Variants in ERCC5 observed in about 807,000 individuals in gnomAD.
ERCC5 encodes ERCC excision repair 5, endonuclease, also known as DNA excision repair protein ERCC-5.
A neutral mutation model predicts 105.6 loss-of-function variants in ERCC5; 68 were observed. That is an observed-to-expected ratio of 0.64 (90% confidence interval 0.53 to 0.79). The LOEUF (loss-of-function observed/expected upper bound fraction) is 0.79, where lower values mean the gene tolerates loss of function less well. ERCC5 is among the 30% of genes least tolerant of loss of function. ERCC5 has a pLI of 0.00. For missense variants in ERCC5, 1,373 were observed against 1,426.7 expected (o/e 0.96, Z 0.61); for synonymous variants, 546 against 526.2 (o/e 1.04, Z -0.51).
Position 102,866,310 on chromosome 13 carries a change from C to T in ERCC5, c.2248C>T (p.Leu750=), listed in dbSNP as rs747408676. The T allele has an allele frequency of 3.1e-6, 5 of 1,614,194 alleles. No homozygotes were observed. Among genetic ancestry groups the T allele is most frequent in the Non-Finnish European group, 4.2e-6 (5 of 1,180,034 alleles). ...CAACCTCTTAGCACAGCAGAATTCA[C>T]TGAAAGCTCAAAAACAGCAGCAAGA... ...ESNLLAQQNS[L]KAQKQQQERI... is the part of the protein sequence containing the mutation. The change falls in exon 10 of 15, where the codon CTG becomes TTG. Residue 750 remains leucine, a synonymous_variant. Coordinates refer to ENST00000652225, the MANE Select transcript of ERCC5 (RefSeq NM_000123.4).
At chr13:102,864,126 C>CACACACA (rs1555326404) in intron 8 of ERCC5, among the ~76,000 whole-genome samples, 1 of 140,918 alleles carries the variant, frequency 7.1e-6, no homozygotes, top group African/African-American at 2.7e-5. Flanking sequence ...AGAGAATCAA[C>CACACACA]CACACACACA....
At chr13:102,861,849 G>A in intron 7 of ERCC5, 135 bp downstream of exon 7, 2 of 1,341,778 alleles carry the variant, frequency 1.5e-6, no homozygotes, top group African/African-American at 1.5e-5. Flanking sequence ...TGCTATTAAT[G>A]GATTAACTAC....
intron 3 of ERCC5, 128 bp downstream of exon 3, chr13:102,854,000 A>G: frequency 3.7e-6 from 3 of 818,844 alleles, no homozygotes; most frequent in Non-Finnish European, 3.6e-6. Flanking sequence ...GAAATGAGAC[A>G]AGTAGGCTGC....
At chr13:102,857,198 C>T (rs773226658) in intron 5 of ERCC5, among the ~76,000 whole-genome samples, 1 of 152,090 alleles carries the variant, frequency 6.6e-6, no homozygotes, top group Non-Finnish European at 1.5e-5. Flanking sequence ...GCTAAAACCT[C>T]GAGATCCTTC....
intron 5 of ERCC5, among the ~76,000 whole-genome samples, chr13:102,857,377 C>T (rs1244510177): frequency 3.3e-5 from 5 of 151,936 alleles, no homozygotes; most frequent in African/African-American, 4.8e-5. Flanking sequence ...TTTTGTAAAA[C>T]GAAATTGATA....
chr13:102,853,880 G>A lies in ERCC5; in HGVS notation c.380+8G>A. The A allele has an allele frequency of 6.2e-7, 1 of 1,611,932 alleles. No individual in the cohort carries two copies. The highest frequency in any genetic ancestry group is 2.2e-5 in the East Asian group (1 of 44,870). On this transcript the variant is annotated splice_region_variant and intron_variant, in intron 3 of 14. Coordinates refer to ENST00000652225, the MANE Select transcript of ERCC5 (RefSeq NM_000123.4). ...TGCCTTCAGAAGCAAAAGGCAAGAGGAAAATTATAGTCGTGTTAGAGATGA... is the reference window on the plus strand; with the variant it reads ...TGCCTTCAGAAGCAAAAGGCAAGAGAAAAATTATAGTCGTGTTAGAGATGA...
intron 13 of ERCC5, 93 bp from the exon 14 acceptor site, chr13:102,873,166 G>T: frequency 6.8e-7 from 1 of 1,469,180 alleles, no homozygotes; most frequent in Non-Finnish European, 9.5e-7. Flanking sequence ...AGGAGATACA[G>T]GGAATGGAAT....
At chr13:102,860,687 G>T (rs1882586663) in intron 6 of ERCC5, among the ~76,000 whole-genome samples, 1 of 152,170 alleles carries the variant, frequency 6.6e-6, no homozygotes, top group Non-Finnish European at 1.5e-5. Flanking sequence ...TAAAATGGAG[G>T]TGATATCTGT....
In ERCC5 at chr13:102,872,273, A is replaced by C; in HGVS notation, c.2754A>C (p.Leu918Phe). 6.2e-7 allele frequency: 1 copy of C among 1,614,202 alleles called. No individual in the cohort carries two copies. The highest frequency in any genetic ancestry group is 8.5e-7 in the Non-Finnish European group (1 of 1,180,038). ...ATGACACCAAAGTGAAAAAAAAATTACGGACATTGCAACTCACCCCTGGCT... is the reference window on the plus strand; with the variant it reads ...ATGACACCAAAGTGAAAAAAAAATTCCGGACATTGCAACTCACCCCTGGCT... ...NPHDTKVKKK[L>F]RTLQLTPGFP... The change falls in exon 13 of 15, where the codon TTA becomes TTC. Residue 918 changes from leucine to phenylalanine, a missense_variant. Around this residue, in one of 3 missense-constraint regions of ERCC5, gnomAD observed 367 missense variants for 350.2 expected, o/e 1.05. Transcript: ENST00000652225.
At chr13:102,854,080 A>G in intron 3 of ERCC5, 1 of 744,828 alleles carries the variant, frequency 1.3e-6, no homozygotes, top group Non-Finnish European at 2.2e-6. Context: ...CTAATGAGAA[A>G]AAAAAGCTGT....
chr13:102,857,699 T>G (rs991145528), intron 5 of ERCC5, among the ~76,000 whole-genome samples: 3 of 152,232 alleles, frequency 2.0e-5, no homozygotes, highest in African/African-American at 7.2e-5. Flanking sequence ...TATATATTGC[T>G]TGAATTCCTA....
Position 102,861,567 on chromosome 13 carries a change from C to A in ERCC5, c.733C>A (p.Gln245Lys). The A allele has an allele frequency of 6.2e-7, 1 of 1,614,040 alleles. No homozygotes were observed. Among genetic ancestry groups the A allele is most frequent in the Non-Finnish European group, 8.5e-7 (1 of 1,180,008 alleles). ...CTTGCTTAAAAAGAACTATCTGAAC[C>A]AGCATATAGAACATGTCCAAAAGGA... ...KGLLKKNYLN[Q>K]HIEHVQKEMN... The change falls in exon 7 of 15, where the codon CAG (glutamine) becomes AAG (lysine). Residue 245 changes from glutamine (Q) to lysine (K), a missense_variant. Physicochemically the swap from Gln to Lys is moderately conservative, Grantham distance 53. Coordinates refer to ENST00000652225, the MANE Select transcript of ERCC5 (RefSeq NM_000123.4).
intron 14 of ERCC5, 91 bp downstream of exon 14, chr13:102,873,434 C>T: frequency 7.2e-7 from 1 of 1,382,998 alleles, no homozygotes; most frequent in South Asian, 1.2e-5. Flanking sequence ...TATTTTGGGG[C>T]ATAGAGCAGA....
intron 11 of ERCC5, 77 bp downstream of exon 11, chr13:102,866,922 G>T: frequency 1.3e-6 from 2 of 1,500,958 alleles, no homozygotes. Context: ...TCTTTCCAAG[G>T]AACTAGTTTG....
At position 102,846,189 on chromosome 13, in the gene ERCC5, C is replaced by T. The variant is rs574366124; in HGVS notation, c.-78C>T. ...AGCAGGGAGGGCTTCCTCCCGGGGT[C>T]CTAGGCGGCGGTGCAGTCCGTCGTA... On this transcript the variant is annotated 5_prime_UTR_variant, in exon 1 of 15. Coordinates refer to ENST00000652225, the MANE Select transcript of ERCC5 (RefSeq NM_000123.4). The T allele has an allele frequency of 3.0e-5, 37 of 1,253,386 alleles. No homozygotes were observed. In the Admixed American group the frequency reaches 7.0e-4, roughly 24 times the overall value. The allele number at this position is 1,253,386 out of a possible 1,614,324, so 77.6% of individuals were successfully genotyped here.
chr13:102,874,868 T>C (rs1883158155), intron 14 of ERCC5: 1 of 163,254 alleles, frequency 6.1e-6, no homozygotes, highest in Admixed American at 5.9e-5. Context: ...GGCATGAATA[T>C]TTCTTACAGT....
intron 2 of ERCC5, among the ~76,000 whole-genome samples, chr13:102,852,846 T>G (rs1377018883): frequency 1.3e-5 from 2 of 152,142 alleles, no homozygotes; most frequent in Non-Finnish European, 2.9e-5. Flanking sequence ...AAAATGTTTT[T>G]GGAAGGCCGG....
At chr13:102,847,571 A>AT (rs550986571) in intron 1 of ERCC5, among the ~76,000 whole-genome samples, 2 of 152,270 alleles carry the variant, frequency 1.3e-5, no homozygotes, top group Admixed American at 1.3e-4. Context: ...TGAGATTATC[A>AT]TTTTTTGCAA....
At chr13:102,855,045 T>A (rs1882360063) in intron 4 of ERCC5, among the ~76,000 whole-genome samples, 1 of 152,230 alleles carries the variant, frequency 6.6e-6, no homozygotes, top group South Asian at 2.1e-4. Flanking sequence ...CAGTTCTATT[T>A]GTCTCCATTG....
Sources: allele counts gnomAD v4.1 joint callset (sites outside exome capture counted in the v4.1 genomes callset), GRCh38; gene constraint gnomAD v4.1.1; regional missense constraint gnomAD v4.1.1; transcripts MANE v1.5; gene names NCBI Gene and HGNC (gene_info 2026-07-23, HGNC 2026-07-21).